ADGRB3: variants seen among roughly 807,000 people sequenced by gnomAD.
The protein encoded by ADGRB3 is adhesion G protein-coupled receptor B3, also known as brain-specific angiogenesis inhibitor 3.
A neutral mutation model predicts 193.4 loss-of-function variants in ADGRB3; 37 were observed. That is an observed-to-expected ratio of 0.19 (90% CI 0.15 to 0.25). The LOEUF (loss-of-function observed/expected upper bound fraction) is 0.25. Among genes scored for constraint, ADGRB3 ranks in the 10% least tolerant of loss-of-function variants. The pLI is 1.00. For missense variants in ADGRB3, 1,637 were observed against 1,852.9 expected, an observed-to-expected ratio of 0.88 and a Z score of 2.14; for synonymous variants, 690 against 644.2, an observed-to-expected ratio of 1.07 and a Z score of -1.08.
intron 13 of ADGRB3, among the ~76,000 whole-genome samples, chr6:69,026,280 A>G (rs964325858): frequency 3.3e-5 from 5 of 152,148 alleles, no homozygotes; most frequent in Non-Finnish European, 5.9e-5. Flanking sequence ...TTCAGGGAGG[A>G]TGACCAGGGA....
chr6:69,011,354 C>G lies in ADGRB3; in HGVS notation c.1930-2684C>G, dbSNP rs545752865. ...CATGGATGCAGCTGGAGGCCATTATCCTAAGCAAATTAATGCAGGAACAGA... is the reference window on the plus strand; with the variant it reads ...CATGGATGCAGCTGGAGGCCATTATGCTAAGCAAATTAATGCAGGAACAGA... On this transcript the variant is annotated intron_variant, in intron 11 of 31. Coordinates refer to ENST00000370598, the MANE Select transcript of ADGRB3 (RefSeq NM_001704.3). Among the ~76,000 whole-genome samples the G allele has an allele frequency of 3.9e-5, 6 of 152,018 alleles. No homozygotes were observed. The South Asian group carries it at 1.2e-3, about 32-fold the overall frequency.
chr6:69,324,749 A>C, intron 20 of ADGRB3, 123 bp from the exon 21 acceptor site: 3 of 1,078,170 alleles, frequency 2.8e-6, no homozygotes, highest in Non-Finnish European at 4.0e-6. Flanking sequence ...TACTCTTGTC[A>C]CTGAGGAGAA....
In ADGRB3 at chr6:69,057,902, T is replaced by TA. The variant is rs1206059467; in HGVS notation, c.2334-5031dup. 2.6e-5 allele frequency among the ~76,000 whole-genome samples: 4 copies of TA among 152,108 alleles called. No homozygotes were observed. In the East Asian group the frequency reaches 7.7e-4, roughly 29 times the overall value. On this transcript the variant is annotated intron_variant, in intron 15 of 31. Transcript: ENST00000370598. ...ATTTGTCTGTAGTTTTCCTTTTTTT[T>TA]ATATATAGTATCTTTGTCTGATTTC...
intron 31 of ADGRB3, among the ~76,000 whole-genome samples, chr6:69,384,434 G>A (rs752730380): frequency 7.9e-5 from 12 of 152,018 alleles, no homozygotes; most frequent in South Asian, 2.1e-4. Context: ...TACTCATTTC[G>A]AAATATTGAA....
chr6:68,998,930 TTA>T (rs1301948869), intron 11 of ADGRB3, among the ~76,000 whole-genome samples: 1 of 152,160 alleles, frequency 6.6e-6, no homozygotes, highest in Non-Finnish European at 1.5e-5. Context: ...AAACTGTATT[TTA>T]TCCTGGCTTA....
intron 26 of ADGRB3, among the ~76,000 whole-genome samples, chr6:69,351,641 T>C (rs1769228821): frequency 6.6e-6 from 1 of 152,186 alleles, no homozygotes; most frequent in Non-Finnish European, 1.5e-5. Flanking sequence ...CATCATTCAG[T>C]GTAGAAATGC....
Position 68,787,515 on chromosome 6 carries a change from T to A in ADGRB3, c.758-143044T>A, listed in dbSNP as rs147868947. Among the ~76,000 whole-genome samples the A allele has an allele frequency of 1.8e-3, 281 of 152,288 alleles. 3 individuals carry two copies. Among genetic ancestry groups the A allele is most frequent in the African/African-American group, 6.5e-3 (271 of 41,576 alleles). ...CCCAGGGATGAAGCCCACTTAATCA[T>A]GGTGGATAAGCTTTTTGATGTGCTG... On this transcript the variant is annotated intron_variant, in intron 3 of 31. Coordinates refer to ENST00000370598, the MANE Select transcript of ADGRB3 (RefSeq NM_001704.3).
chr6:69,096,682 T>C (rs575532191), intron 17 of ADGRB3, among the ~76,000 whole-genome samples: 9 of 152,312 alleles, frequency 5.9e-5, no homozygotes, highest in African/African-American at 2.2e-4. Flanking sequence ...TCTACTGATA[T>C]GACCCTGTTC....
Position 69,172,637 on chromosome 6 carries a change from C to G in ADGRB3, c.2481-60653C>G, listed in dbSNP as rs569891837. ...CCAGCCTGGGCGACAGAGCGAGACTCTGTCTCAAAAAAAAAAAAAAAAAAA... is the reference window on the plus strand; with the variant it reads ...CCAGCCTGGGCGACAGAGCGAGACTGTGTCTCAAAAAAAAAAAAAAAAAAA... On this transcript the variant is annotated intron_variant, in intron 17 of 31. Coordinates refer to ENST00000370598, the MANE Select transcript of ADGRB3 (RefSeq NM_001704.3). Among the ~76,000 whole-genome samples the G allele has an allele frequency of 5.5e-4, 39 of 70,436 alleles. No individual in the cohort carries two copies. The East Asian group carries it at 0.014, about 26-fold the overall frequency. 46.2% of individuals were successfully genotyped at this position (70,436 alleles called of 152,430 possible).
At chr6:68,688,957 T>C (rs1452624905) in intron 3 of ADGRB3, among the ~76,000 whole-genome samples, 1 of 152,106 alleles carries the variant, frequency 6.6e-6, no homozygotes, top group East Asian at 1.9e-4. Context: ...ATAGATTTCT[T>C]CCAAAAATGC....
chr6:68,896,919 T>C (rs1420656182), intron 3 of ADGRB3, among the ~76,000 whole-genome samples: 3 of 152,042 alleles, frequency 2.0e-5, no homozygotes, highest in African/African-American at 7.2e-5. Flanking sequence ...CTAATTCCCA[T>C]AGTATTTGAA....
intron 17 of ADGRB3, among the ~76,000 whole-genome samples, chr6:69,216,044 A>G (rs1041862130): frequency 5.3e-5 from 8 of 152,166 alleles, no homozygotes; most frequent in African/African-American, 1.9e-4. Context: ...TGTATCCTAC[A>G]CAGCATATTT....
chr6:69,140,695 G>A (rs1178744747), intron 17 of ADGRB3, among the ~76,000 whole-genome samples: 3 of 151,970 alleles, frequency 2.0e-5, no homozygotes, highest in Non-Finnish European at 4.4e-5. Context: ...TTGAGGTGAT[G>A]GATACCCCAT....
intron 17 of ADGRB3, among the ~76,000 whole-genome samples, chr6:69,094,941 T>A (rs1046341404): frequency 5.3e-5 from 8 of 152,204 alleles, no homozygotes; most frequent in Non-Finnish European, 1.2e-4. Flanking sequence ...ACAAGTTACA[T>A]CATAACTTTG....
intron 17 of ADGRB3, among the ~76,000 whole-genome samples, chr6:69,195,989 A>G (rs1353995577): frequency 6.6e-6 from 1 of 152,176 alleles, no homozygotes; most frequent in African/African-American, 2.4e-5. Flanking sequence ...AAGGACATAA[A>G]TATCATATCT....
chr6:68,652,420 C>T (rs889867664), intron 3 of ADGRB3, among the ~76,000 whole-genome samples: 1 of 152,140 alleles, frequency 6.6e-6, no homozygotes, highest in Non-Finnish European at 1.5e-5. Context: ...CAGACTCTGT[C>T]TGGAGCGAGT....
chr6:69,058,584 A>G (rs537372692), intron 15 of ADGRB3, among the ~76,000 whole-genome samples: 8 of 151,934 alleles, frequency 5.3e-5, no homozygotes, highest in Non-Finnish European at 1.0e-4. Flanking sequence ...GTTTACTGCT[A>G]TAAACTTCCC....
At chr6:68,840,817 T>G (rs1768143151) in intron 3 of ADGRB3, among the ~76,000 whole-genome samples, 1 of 151,904 alleles carries the variant, frequency 6.6e-6, no homozygotes, top group East Asian at 1.9e-4. Context: ...AGTAGACAAA[T>G]GGATAAAAAA....
At chr6:69,200,349 G>T (rs1219586096) in intron 17 of ADGRB3, among the ~76,000 whole-genome samples, 1 of 152,028 alleles carries the variant, frequency 6.6e-6, no homozygotes, top group African/African-American at 2.4e-5. Context: ...CACAGATGTG[G>T]CAGAGAGAAC....
Sources: allele counts gnomAD v4.1 joint callset (sites outside exome capture counted in the v4.1 genomes callset), GRCh38; gene constraint gnomAD v4.1.1; transcripts MANE v1.5; gene names NCBI Gene and HGNC (gene_info 2026-07-23, HGNC 2026-07-21).